Variants in AFF3 observed in about 807,000 individuals in gnomAD.
AFF3 encodes the protein AF4/FMR2 family member 3.
In AFF3, 32 loss-of-function variants were observed where a neutral mutation model predicts 129.7. That is an observed-to-expected ratio of 0.25 (90% CI 0.19 to 0.33). The LOEUF is 0.33. Ranked by LOEUF, AFF3 falls within the 10% of genes least tolerant of loss-of-function variation. The pLI, the probability that AFF3 is intolerant of heterozygous loss-of-function variation, is 1.00. For synonymous variants in AFF3, 644 were observed against 635.4 expected (o/e 1.01, Z -0.20); for missense variants, 1,373 against 1,592.0 (o/e 0.86, Z 2.34).
chr2:99,766,680 C>G (rs1683049311), intron 8 of AFF3, among the ~76,000 whole-genome samples: 1 of 152,092 alleles, frequency 6.6e-6, no homozygotes, highest in South Asian at 2.1e-4. Flanking sequence ...AAAATATAAA[C>G]AGGATGACAA....
At chr2:99,834,757 C>T (rs1360333706) in intron 8 of AFF3, among the ~76,000 whole-genome samples, 1 of 152,166 alleles carries the variant, frequency 6.6e-6, no homozygotes, top group East Asian at 1.9e-4. Flanking sequence ...CTTCACTTTT[C>T]TTGTCACTCT....
intron 12 of AFF3, among the ~76,000 whole-genome samples, chr2:99,671,635 C>T (rs1687153145): frequency 1.3e-5 from 2 of 152,250 alleles, no homozygotes; most frequent in South Asian, 2.1e-4. Flanking sequence ...TATTAATTCA[C>T]TATTCCAAAA....
chr2:99,571,692 C>T (rs1337041102), intron 18 of AFF3, among the ~76,000 whole-genome samples: 1 of 152,172 alleles, frequency 6.6e-6, no homozygotes, highest in Non-Finnish European at 1.5e-5. Context: ...ATGGAGGGCT[C>T]ACTATAATGA....
rs147672957 is a variant in AFF3, at chr2:100,022,927, T to C, written c.54-13995A>G. Among the ~76,000 whole-genome samples the C allele has an allele frequency of 3.7e-3, 559 of 152,052 alleles. 6 individuals carry two copies. Among genetic ancestry groups the C allele is most frequent in the Middle Eastern group, 0.027 (8 of 294 alleles). ...ATTTAGTTGTATACACAGGAAGAGA[T>C]AGGGGGAGACACTTCACATTTCTCC... On this transcript the variant is annotated intron_variant, in intron 4 of 24. Transcript: ENST00000672756.
At chr2:99,793,286 G>A (rs539240593) in intron 8 of AFF3, among the ~76,000 whole-genome samples, 1 of 152,316 alleles carries the variant, frequency 6.6e-6, no homozygotes, top group East Asian at 1.9e-4. Flanking sequence ...AGCTTCGTGA[G>A]GCCTCGCCAG....
intron 8 of AFF3, among the ~76,000 whole-genome samples, chr2:99,812,592 G>A (rs1031611689): frequency 6.6e-6 from 1 of 152,188 alleles, no homozygotes; most frequent in African/African-American, 2.4e-5. Flanking sequence ...AAATGTAAAT[G>A]CATAAAGGGA....
chr2:100,048,235 C>T (rs766039117), intron 4 of AFF3, among the ~76,000 whole-genome samples: 16 of 152,170 alleles, frequency 1.1e-4, no homozygotes, highest in Non-Finnish European at 2.4e-4. Context: ...ACTGCACTTA[C>T]TCATCTCTGG....
intron 7 of AFF3, among the ~76,000 whole-genome samples, chr2:99,852,999 AC>A (rs543135121): frequency 4.1e-4 from 63 of 152,350 alleles, no homozygotes; most frequent in African/African-American, 1.4e-3. Flanking sequence ...AGAGAAAAAA[AC>A]ATCACAGGTT....
At chr2:99,934,830 T>A (rs955667950) in intron 7 of AFF3, among the ~76,000 whole-genome samples, 2 of 152,142 alleles carry the variant, frequency 1.3e-5, no homozygotes, top group African/African-American at 4.8e-5. Flanking sequence ...AGAAAGTGAA[T>A]CTGTGCTGCT....
intron 8 of AFF3, among the ~76,000 whole-genome samples, chr2:99,799,513 AG>A (rs1685781045): frequency 6.6e-6 from 1 of 152,052 alleles, no homozygotes; most frequent in African/African-American, 2.4e-5. Flanking sequence ...ATGATTTGGA[AG>A]AATCGATATT....
chr2:99,694,582 G>T (rs934914315), intron 11 of AFF3, among the ~76,000 whole-genome samples: 2 of 152,090 alleles, frequency 1.3e-5, no homozygotes, highest in African/African-American at 4.8e-5. Flanking sequence ...CCCACACGCT[G>T]AATCATTCTC....
chr2:100,107,286 C>T, intron 2 of AFF3: 1 of 985,238 alleles, frequency 1.0e-6, no homozygotes. Flanking sequence ...TATGGGAGAT[C>T]TTTATTATTT....
At chr2:100,080,287 A>G (rs1467177796) in intron 4 of AFF3, among the ~76,000 whole-genome samples, 7 of 152,198 alleles carry the variant, frequency 4.6e-5, no homozygotes, top group African/African-American at 7.2e-5. Flanking sequence ...GAATATAGGT[A>G]AAGATGCTAT....
At chr2:99,781,084 CCTTA>C (rs1480543958) in intron 8 of AFF3, among the ~76,000 whole-genome samples, 6 of 152,258 alleles carry the variant, frequency 3.9e-5, no homozygotes, top group Admixed American at 3.9e-4. Context: ...ATCATTCTCC[CCTTA>C]CTTACTCTAC....
At chr2:99,867,011 T>TAAAATA (rs1691469160) in intron 7 of AFF3, among the ~76,000 whole-genome samples, 1 of 139,040 alleles carries the variant, frequency 7.2e-6, no homozygotes, top group South Asian at 2.3e-4. Context: ...AAAAAATAAA[T>TAAAATA]AAAATAAAAA....
chr2:99,647,303 T>C (rs569019356), intron 13 of AFF3, among the ~76,000 whole-genome samples: 1 of 152,196 alleles, frequency 6.6e-6, no homozygotes, highest in Non-Finnish European at 1.5e-5. Context: ...ACATATGCCA[T>C]GAAATACTAT....
chr2:99,553,672 G>C (rs1463807516), intron 24 of AFF3, among the ~76,000 whole-genome samples: 8 of 152,000 alleles, frequency 5.3e-5, no homozygotes, highest in Non-Finnish European at 1.0e-4. Flanking sequence ...CCAGTACTTT[G>C]GGAGGCTGAG....
intron 7 of AFF3, among the ~76,000 whole-genome samples, chr2:99,942,601 T>C (rs572300058): frequency 2.9e-4 from 44 of 151,320 alleles, no homozygotes; most frequent in African/African-American, 1.0e-3. Flanking sequence ...GGGAAGAACA[T>C]TTTTGGCAGA....
At chr2:99,669,466 A>G (rs1285647363) in intron 12 of AFF3, among the ~76,000 whole-genome samples, 1 of 150,140 alleles carries the variant, frequency 6.7e-6, no homozygotes. Flanking sequence ...AGACACAAAG[A>G]GTACATGCCG....
Sources: gnomAD v4.1 joint callset for allele counts (sites outside exome capture counted in the v4.1 genomes callset) on GRCh38, gnomAD v4.1.1 for gene constraint, MANE v1.5 for transcripts, NCBI Gene and HGNC (gene_info 2026-07-23, HGNC 2026-07-21) for gene names.